Variants in GABBR2 observed in about 807,000 individuals in gnomAD.
The protein encoded by GABBR2 is gamma-aminobutyric acid type B receptor subunit 2.
In GABBR2, 23 loss-of-function variants were observed where a neutral mutation model predicts 105.6. The observed-to-expected ratio is 0.22, with a 90% CI of 0.16 to 0.31. GABBR2 has a LOEUF of 0.31. Ranked by LOEUF, GABBR2 falls within the 10% of genes least tolerant of loss-of-function variation. The pLI is 1.00. For synonymous variants in GABBR2, 478 were observed against 499.7 expected, an observed-to-expected ratio of 0.96 and a Z score of 0.58; for missense variants, 734 against 1,245.5, an observed-to-expected ratio of 0.59 and a Z score of 6.18.
At chr9:98,467,440 G>A (rs1826582384) in intron 6 of GABBR2, among the ~76,000 whole-genome samples, 1 of 152,098 alleles carries the variant, frequency 6.6e-6, no homozygotes, top group African/African-American at 2.4e-5. Context: ...CAAGGAATGG[G>A]AGTAGCAAGG....
chr9:98,573,708 A>G (rs1370096992), intron 2 of GABBR2, among the ~76,000 whole-genome samples: 2 of 152,260 alleles, frequency 1.3e-5, no homozygotes, highest in African/African-American at 2.4e-5. Context: ...ACTGTACACA[A>G]TATAGAAGGA....
intron 1 of GABBR2, among the ~76,000 whole-genome samples, chr9:98,673,407 G>A (rs1830431232): frequency 6.6e-6 from 1 of 152,302 alleles, no homozygotes; most frequent in South Asian, 2.1e-4. Context: ...GGACTGAGAT[G>A]AAGATCTTGA....
intron 1 of GABBR2, among the ~76,000 whole-genome samples, chr9:98,640,712 G>T (rs1388764675): frequency 6.6e-6 from 1 of 152,118 alleles, no homozygotes; most frequent in African/African-American, 2.4e-5. Context: ...GGAGGGTAAG[G>T]CATCTTGGAG....
rs56377274 is a variant in GABBR2, at chr9:98,480,796, C to T, written c.798+136G>A. On this transcript the variant is annotated intron_variant, in intron 5 of 18. Coordinates refer to ENST00000259455, the MANE Select transcript of GABBR2 (RefSeq NM_005458.8). The stretch of plus-strand genomic sequence containing the variant: ...CCTGGAAAGAGGAAAGAACAGTGAA[C>T]GCAACTCTTCTGCTTCCAGGAACCC... 64 of 658,070 alleles carry T rather than the reference C, an allele frequency of 9.7e-5. No individual in the cohort carries two copies. The Middle Eastern group carries it at 1.3e-3, about 13-fold the overall frequency. 40.8% of individuals were successfully genotyped at this position (658,070 alleles called of 1,614,324 possible). A position where few individuals can be genotyped will look rare whatever the true frequency, so the allele number is the denominator to read the frequency against.
intron 12 of GABBR2, among the ~76,000 whole-genome samples, chr9:98,363,286 T>C (rs2131446507): frequency 6.6e-6 from 1 of 151,522 alleles, no homozygotes; most frequent in Middle Eastern, 3.4e-3. Context: ...CATACTTAAT[T>C]ATCAGGAGGA....
intron 3 of GABBR2, among the ~76,000 whole-genome samples, chr9:98,513,643 A>G (rs927858931): frequency 1.3e-5 from 2 of 152,048 alleles, no homozygotes; most frequent in Non-Finnish European, 2.9e-5. Flanking sequence ...GCAGCCAAAA[A>G]ACACATGAAA....
At chr9:98,482,587 A>T (rs1480593522) in intron 4 of GABBR2, among the ~76,000 whole-genome samples, 1 of 152,180 alleles carries the variant, frequency 6.6e-6, no homozygotes, top group East Asian at 1.9e-4. Flanking sequence ...TCTATTGATC[A>T]TCTACTTTGT....
At chr9:98,467,391 A>G (rs1826581501) in intron 6 of GABBR2, among the ~76,000 whole-genome samples, 1 of 152,166 alleles carries the variant, frequency 6.6e-6, no homozygotes, top group Admixed American at 6.5e-5. Flanking sequence ...CCTCTGACAT[A>G]GTGCCTTCTC....
intron 1 of GABBR2, among the ~76,000 whole-genome samples, chr9:98,631,593 A>C (rs1280933880): frequency 6.6e-6 from 1 of 152,210 alleles, no homozygotes; most frequent in African/African-American, 2.4e-5. Context: ...ACTATGATTC[A>C]TACTTGAATT....
chr9:98,292,123 C>T (rs1301520700), intron 18 of GABBR2, among the ~76,000 whole-genome samples: 1 of 152,234 alleles, frequency 6.6e-6, no homozygotes. Flanking sequence ...CACAGTTCTC[C>T]ATGGGTGCAA....
At chr9:98,706,109 CA>C (rs3983388) in intron 1 of GABBR2, among the ~76,000 whole-genome samples, 10,290 of 136,754 alleles carry the variant, frequency 0.075, 653 homozygotes, top group African/African-American at 0.2. Context: ...ACAAAAAAAA[CA>C]AAAAAAAAAA....
intron 9 of GABBR2, among the ~76,000 whole-genome samples, chr9:98,392,871 T>C (rs1343426833): frequency 1.3e-5 from 2 of 152,008 alleles, no homozygotes; most frequent in Admixed American, 1.3e-4. Context: ...TACCCATTCA[T>C]CCATCCATCC....
chr9:98,491,756 T>C (rs761047105), intron 4 of GABBR2, among the ~76,000 whole-genome samples: 59 of 152,250 alleles, frequency 3.9e-4, no homozygotes, highest in Non-Finnish European at 7.5e-4. Context: ...ATCTCAATTA[T>C]GCCTATTGCC....
intron 1 of GABBR2, among the ~76,000 whole-genome samples, chr9:98,664,542 A>G (rs188591459): frequency 3.3e-4 from 50 of 152,328 alleles, no homozygotes; most frequent in Non-Finnish European, 6.5e-4. Context: ...CATAGAACTA[A>G]TGGCAGGATA....
At chr9:98,624,861 T>C (rs1829713970) in intron 1 of GABBR2, among the ~76,000 whole-genome samples, 1 of 152,168 alleles carries the variant, frequency 6.6e-6, no homozygotes, top group South Asian at 2.1e-4. Context: ...TGTGGGACCT[T>C]GAGCAAAGGC....
intron 2 of GABBR2, among the ~76,000 whole-genome samples, chr9:98,571,709 C>A (rs1044925213): frequency 6.6e-6 from 1 of 152,184 alleles, no homozygotes; most frequent in African/African-American, 2.4e-5. Flanking sequence ...TAAATTTCCC[C>A]AACAGCAGGC....
intron 1 of GABBR2, among the ~76,000 whole-genome samples, chr9:98,636,892 G>C (rs938252825): frequency 6.6e-6 from 1 of 152,074 alleles, no homozygotes; most frequent in Non-Finnish European, 1.5e-5. Flanking sequence ...ACCTCACTCC[G>C]AATTGCCCAT....
At chr9:98,555,990 G>T (rs1828577924) in intron 2 of GABBR2, 1 of 128,946 alleles carries the variant, frequency 7.8e-6, no homozygotes, top group Non-Finnish European at 1.9e-5. Context: ...AGTTTGCTCT[G>T]TAGCCATGGG....
At position 98,480,898 on chromosome 9, in the gene GABBR2, C is replaced by T. The variant is rs1369891026; in HGVS notation, c.798+34G>A. 12 of 1,332,702 alleles carry T rather than the reference C, an allele frequency of 9.0e-6. No homozygotes were observed. In the East Asian group the frequency reaches 2.8e-4, roughly 31 times the overall value. The allele number at this position is 1,332,702 out of a possible 1,614,324, so 82.6% of individuals were successfully genotyped here. ...ATGGGAAAAAGCTTCGTGAACCTCC[C>T]CAAAGACACGAATGATACAACTGTT... is the stretch of plus-strand genomic sequence containing the variant. On this transcript the variant is annotated intron_variant, in intron 5 of 18. Transcript: ENST00000259455.
Sources: allele counts gnomAD v4.1 joint callset (sites outside exome capture counted in the v4.1 genomes callset), GRCh38; gene constraint gnomAD v4.1.1; transcripts MANE v1.5; gene names NCBI Gene and HGNC (gene_info 2026-07-23, HGNC 2026-07-21).